Variants in PTPRD observed in about 807,000 individuals in gnomAD.
PTPRD encodes receptor-type tyrosine-protein phosphatase delta.
Under a neutral mutation model 214.5 loss-of-function variants are expected in PTPRD, and 34 were observed. The observed-to-expected ratio is 0.16, with a 90% CI of 0.12 to 0.21. The LOEUF is 0.21. Ranked by LOEUF, PTPRD falls within the 10% of genes least tolerant of loss-of-function variation. The pLI, the probability that PTPRD is intolerant of heterozygous loss-of-function variation, is 1.00. For synonymous variants in PTPRD, 1,128 were observed against 845.7 expected (o/e 1.33, Z -5.79); for missense variants, 2,545 against 2,398.7 (o/e 1.06, Z -1.27).
intron 3 of PTPRD, among the ~76,000 whole-genome samples, chr9:10,046,320 C>A (rs1008536117): frequency 6.6e-6 from 1 of 151,760 alleles, no homozygotes; most frequent in African/African-American, 2.4e-5. Flanking sequence ...CTTTGAACTT[C>A]TAACATTTTA....
chr9:9,768,157 T>A (rs778092057), intron 5 of PTPRD, among the ~76,000 whole-genome samples: 2 of 152,168 alleles, frequency 1.3e-5, no homozygotes, highest in Non-Finnish European at 2.9e-5. Context: ...TTTTCACACC[T>A]TCTAGATTTT....
Position 8,991,537 on chromosome 9 carries a change from G to C in PTPRD, c.-104+27160C>G, listed in dbSNP as rs184528851. Among the ~76,000 whole-genome samples the C allele has an allele frequency of 2.0e-5, 3 of 152,220 alleles. No homozygotes were observed. The East Asian group carries it at 5.8e-4, about 30-fold the overall frequency. ...ACCCTCAGTCCTGTATGAAGGACTT[G>C]TGTATCTACATATTCCTAGTTCATT... On this transcript the variant is annotated intron_variant, in intron 11 of 45. Transcript: ENST00000381196.
intron 8 of PTPRD, among the ~76,000 whole-genome samples, chr9:9,554,485 G>T (rs1376439384): frequency 6.6e-6 from 1 of 151,868 alleles, no homozygotes; most frequent in Non-Finnish European, 1.5e-5. Context: ...CATGGTTCGG[G>T]GGAGTGGGGG....
At position 9,237,285 on chromosome 9, in the gene PTPRD, C is replaced by G. The variant is rs551294512; in HGVS notation, c.-202-53922G>C. On this transcript the variant is annotated intron_variant, in intron 9 of 45. Coordinates refer to ENST00000381196, the MANE Select transcript of PTPRD (RefSeq NM_002839.4). Reference sequence around the variant, plus strand: ...AGGAATTAAAAACAACTAACCTTACCTGGGCATGATGGCACACACTTGTAA... The same window carrying G: ...AGGAATTAAAAACAACTAACCTTACGTGGGCATGATGGCACACACTTGTAA... Among the ~76,000 whole-genome samples the G allele has an allele frequency of 1.2e-4, 19 of 152,178 alleles. 1 individual carries two copies. The South Asian group carries it at 2.1e-3, about 17-fold the overall frequency.
chr9:9,192,962 G>A (rs182054179), intron 9 of PTPRD, among the ~76,000 whole-genome samples: 75 of 152,114 alleles, frequency 4.9e-4, no homozygotes, highest in African/African-American at 1.8e-3. Context: ...TGCATTTTAG[G>A]TTATTTGAAA....
Position 9,468,074 on chromosome 9 carries a change from C to A in PTPRD, c.-236-70592G>T, listed in dbSNP as rs556663606. On this transcript the variant is annotated intron_variant, in intron 8 of 45. Transcript: ENST00000381196. ...TTTTGCATTTGAATGTGGAAATTTA[C>A]TTCTTAGGATTTGTAGAACTTACTC... Among the ~76,000 whole-genome samples, 16 of 152,178 alleles carry A rather than the reference C, an allele frequency of 1.1e-4. No individual in the cohort carries two copies. In the East Asian group the frequency reaches 1.7e-3, roughly 17 times the overall value.
At chr9:9,114,892 G>A (rs1591846106) in intron 10 of PTPRD, among the ~76,000 whole-genome samples, 1 of 152,068 alleles carries the variant, frequency 6.6e-6, no homozygotes, top group East Asian at 1.9e-4. Flanking sequence ...TTAGGGAAAC[G>A]TTCTCTTGAA....
Position 9,113,077 on chromosome 9 carries a change from C to T in PTPRD, c.-143+70227G>A, listed in dbSNP as rs1248713038. On this transcript the variant is annotated intron_variant, in intron 10 of 45. Transcript: ENST00000381196. ...ACACCTGGACCCAAGTGATCCTCCT[C>T]CCTCAGCCTCCCAAGTGGCTAGAAC... is the stretch of plus-strand genomic sequence containing the variant. 2.6e-5 allele frequency among the ~76,000 whole-genome samples: 4 copies of T among 151,630 alleles called. No individual in the cohort carries two copies. In the East Asian group the frequency reaches 7.8e-4, roughly 29 times the overall value.
chr9:8,392,398 C>T (rs1045156500), intron 36 of PTPRD, among the ~76,000 whole-genome samples: 7 of 151,864 alleles, frequency 4.6e-5, no homozygotes, highest in African/African-American at 9.7e-5. Flanking sequence ...TGGTCATGCA[C>T]GCCTGTAGTC....
intron 10 of PTPRD, among the ~76,000 whole-genome samples, chr9:9,048,046 AAGGTGCTTG>A (rs1357198079): frequency 6.6e-6 from 1 of 152,196 alleles, no homozygotes; most frequent in Non-Finnish European, 1.5e-5. Flanking sequence ...GGCATAAGAA[AAGGTGCTTG>A]ACATCACTGA....
intron 12 of PTPRD, among the ~76,000 whole-genome samples, chr9:8,673,588 T>C (rs1222652437): frequency 1.3e-5 from 2 of 152,200 alleles, no homozygotes; most frequent in African/African-American, 4.8e-5. Flanking sequence ...CTTCCTTCTA[T>C]TCCATTTTTA....
At chr9:10,529,049 G>A (rs1009031515) in intron 2 of PTPRD, among the ~76,000 whole-genome samples, 10 of 151,964 alleles carry the variant, frequency 6.6e-5, no homozygotes, top group African/African-American at 2.2e-4. Flanking sequence ...TTTTTTATTT[G>A]TTCATGCTAT....
chr9:9,958,916 G>A (rs2094151501), intron 4 of PTPRD, among the ~76,000 whole-genome samples: 1 of 152,088 alleles, frequency 6.6e-6, no homozygotes. Context: ...ATACAAAATG[G>A]TACAGCCATT....
chr9:9,943,874 C>T (rs1356653582), intron 4 of PTPRD, among the ~76,000 whole-genome samples: 1 of 152,146 alleles, frequency 6.6e-6, no homozygotes, highest in Non-Finnish European at 1.5e-5. Flanking sequence ...CTAGCCCCAG[C>T]TCTCATCCCA....
chr9:9,729,202 G>A (rs954776444), intron 7 of PTPRD, among the ~76,000 whole-genome samples: 2 of 152,228 alleles, frequency 1.3e-5, no homozygotes, highest in East Asian at 1.9e-4. Flanking sequence ...GAATTCATCT[G>A]TTGTTCAGAT....
intron 6 of PTPRD, among the ~76,000 whole-genome samples, chr9:9,766,302 T>C (rs1279338223): frequency 6.6e-6 from 1 of 152,190 alleles, no homozygotes; most frequent in East Asian, 1.9e-4. Context: ...CCCCCTATCT[T>C]TCATGTAGTA....
intron 3 of PTPRD, among the ~76,000 whole-genome samples, chr9:10,149,614 A>G (rs777541564): frequency 6.6e-6 from 1 of 152,222 alleles, no homozygotes; most frequent in African/African-American, 2.4e-5. Context: ...TATATTCATT[A>G]TAGACCCAGG....
intron 2 of PTPRD, among the ~76,000 whole-genome samples, chr9:10,373,127 C>T (rs1490249785): frequency 6.8e-6 from 1 of 146,872 alleles, no homozygotes; most frequent in African/African-American, 2.5e-5. Context: ...TCACTGTGCC[C>T]GGCCTGTCTT....
intron 2 of PTPRD, among the ~76,000 whole-genome samples, chr9:10,538,285 A>AATAT (rs2058328647): frequency 6.8e-6 from 1 of 146,488 alleles, no homozygotes. Flanking sequence ...TAAATAAATA[A>AATAT]ATAAATAAAT....
Sources: allele counts gnomAD v4.1 joint callset (sites outside exome capture counted in the v4.1 genomes callset), GRCh38; gene constraint gnomAD v4.1.1; transcripts MANE v1.5; gene names NCBI Gene and HGNC (gene_info 2026-07-23, HGNC 2026-07-21).